Variants in VWC2L observed in about 807,000 individuals in gnomAD.
VWC2L encodes von Willebrand factor C domain containing 2 like, also known as von Willebrand factor C domain-containing protein 2-like.
Under a neutral mutation model 21.6 loss-of-function variants are expected in VWC2L, and 10 were observed. The observed-to-expected ratio is 0.46, with a 90% CI of 0.29 to 0.78. The LOEUF (loss-of-function observed/expected upper bound fraction) is 0.78, where lower values mean the gene tolerates loss of function less well. Ranked by LOEUF, VWC2L falls within the 30% of genes least tolerant of loss-of-function variation. The pLI, the probability that VWC2L is intolerant of heterozygous loss-of-function variation, is 0.10. For missense variants in VWC2L, 209 were observed against 277.1 expected, an observed-to-expected ratio of 0.75 and a Z score of 1.74; for synonymous variants, 96 against 94.3, an observed-to-expected ratio of 1.02 and a Z score of -0.10.
intron 3 of VWC2L, among the ~76,000 whole-genome samples, chr2:214,486,931 C>T (rs561753942): frequency 1.3e-4 from 20 of 152,322 alleles, no homozygotes; most frequent in African/African-American, 4.8e-4. Context: ...TTCTCATTCC[C>T]AGCATCTCAG....
rs1690254588 is a variant in VWC2L, at chr2:214,577,692, CAT to C, written c.*1875_*1876del. ...ATGCTATAGGCCCACCCTCAGGAAA[CAT>C]ATTTTTTTGAGTCTTGTCAACTGGT... On this transcript the variant is annotated 3_prime_UTR_variant, in exon 4 of 4. Transcript: ENST00000312504. 1 of 152,138 alleles carries C rather than the reference CAT, an allele frequency of 6.6e-6. No homozygotes were observed. The highest frequency in any genetic ancestry group is 2.4e-5 in the African/African-American group (1 of 41,432). The allele number at this position is 152,138 out of a possible 1,614,324, so 9.4% of individuals were successfully genotyped here. A position where few individuals can be genotyped will look rare whatever the true frequency, so the allele number is the denominator to read the frequency against.
chr2:214,569,149 T>C (rs112002228), intron 3 of VWC2L, among the ~76,000 whole-genome samples: 166 of 152,334 alleles, frequency 1.1e-3, no homozygotes, highest in Middle Eastern at 6.8e-3. Context: ...GAATGTGTTT[T>C]CATTACCATC....
intron 3 of VWC2L, among the ~76,000 whole-genome samples, chr2:214,448,456 A>G (rs1314361809): frequency 2.0e-5 from 3 of 152,188 alleles, no homozygotes; most frequent in African/African-American, 7.2e-5. Flanking sequence ...TCAGAAGATT[A>G]CTTTTATAAT....
chr2:214,537,902 T>TC (rs1689561468), intron 3 of VWC2L, among the ~76,000 whole-genome samples: 1 of 2,822 alleles, frequency 3.5e-4, no homozygotes, highest in African/African-American at 3.8e-4. Flanking sequence ...GATAGTGGCC[T>TC]TTTTTTTTTT....
At chr2:214,516,119 G>A (rs911690174) in intron 3 of VWC2L, among the ~76,000 whole-genome samples, 2 of 152,056 alleles carry the variant, frequency 1.3e-5, no homozygotes, top group African/African-American at 4.8e-5. Flanking sequence ...CACATTCAGT[G>A]ACTTCATACT....
chr2:214,487,880 G>A (rs747230524), intron 3 of VWC2L, among the ~76,000 whole-genome samples: 1 of 152,106 alleles, frequency 6.6e-6, no homozygotes. Flanking sequence ...GAGGAGTGAA[G>A]AAACACGGAA....
chr2:214,428,182 C>T (rs1231473981), intron 2 of VWC2L, among the ~76,000 whole-genome samples: 2 of 152,242 alleles, frequency 1.3e-5, no homozygotes, highest in African/African-American at 2.4e-5. Flanking sequence ...AATCCCACAT[C>T]GTTTACATGT....
At chr2:214,460,470 TTG>T (rs1052058110) in intron 3 of VWC2L, among the ~76,000 whole-genome samples, 2 of 152,094 alleles carry the variant, frequency 1.3e-5, no homozygotes, top group Non-Finnish European at 2.9e-5. Context: ...TCTTTGGATT[TTG>T]TGTGTGTTTG....
At chr2:214,419,515 G>T (rs1702402977) in intron 2 of VWC2L, among the ~76,000 whole-genome samples, 2 of 152,108 alleles carry the variant, frequency 1.3e-5, no homozygotes, top group Admixed American at 1.3e-4. Context: ...TACACTGAAG[G>T]TTATACTACA....
chr2:214,461,871 G>A (rs1703148046), intron 3 of VWC2L, among the ~76,000 whole-genome samples: 1 of 152,182 alleles, frequency 6.6e-6, no homozygotes, highest in South Asian at 2.1e-4. Flanking sequence ...TGTGCGTGTG[G>A]TTGCTATCAG....
intron 3 of VWC2L, among the ~76,000 whole-genome samples, chr2:214,570,611 C>T (rs1349410616): frequency 6.6e-6 from 1 of 152,114 alleles, no homozygotes; most frequent in Non-Finnish European, 1.5e-5. Flanking sequence ...AATCCACCCA[C>T]CTTGACCTCC....
At chr2:214,500,498 C>G (rs1280442439) in intron 3 of VWC2L, among the ~76,000 whole-genome samples, 1 of 152,194 alleles carries the variant, frequency 6.6e-6, no homozygotes, top group Non-Finnish European at 1.5e-5. Flanking sequence ...ACCATTTCAT[C>G]TGTATTCCAG....
chr2:214,568,610 T>A (rs1690103918), intron 3 of VWC2L, among the ~76,000 whole-genome samples: 1 of 152,126 alleles, frequency 6.6e-6, no homozygotes, highest in Non-Finnish European at 1.5e-5. Context: ...CTCCCTTTTT[T>A]AAAACCATGA....
At chr2:214,551,724 T>G (rs2105925391) in intron 3 of VWC2L, among the ~76,000 whole-genome samples, 1 of 152,316 alleles carries the variant, frequency 6.6e-6, no homozygotes, top group Middle Eastern at 3.4e-3. Context: ...CAAACCCGCA[T>G]CAATCTAAAT....
intron 3 of VWC2L, among the ~76,000 whole-genome samples, chr2:214,522,142 G>A (rs559219028): frequency 3.9e-5 from 6 of 152,220 alleles, no homozygotes; most frequent in African/African-American, 1.4e-4. Flanking sequence ...TTGGGAGGCC[G>A]AAGCGGGTGG....
intron 3 of VWC2L, among the ~76,000 whole-genome samples, chr2:214,500,636 G>A (rs1177408539): frequency 1.3e-5 from 2 of 152,242 alleles, no homozygotes; most frequent in Non-Finnish European, 2.9e-5. Flanking sequence ...CCCTTAGTCA[G>A]TTGGGCCTTA....
At chr2:214,433,159 GAT>G (rs5838434) in intron 2 of VWC2L, among the ~76,000 whole-genome samples, 1,803 of 132,906 alleles carry the variant, frequency 0.014, 55 homozygotes, top group African/African-American at 0.034. Flanking sequence ...CAAGCCACCT[GAT>G]ATATATATAT....
chr2:214,467,721 G>A (rs1001573668), intron 3 of VWC2L, among the ~76,000 whole-genome samples: 12 of 152,166 alleles, frequency 7.9e-5, no homozygotes, highest in Non-Finnish European at 1.8e-4. Flanking sequence ...TCAATTCATA[G>A]CTAACCAAAT....
At chr2:214,451,308 T>TTGG (rs71399133) in intron 3 of VWC2L, among the ~76,000 whole-genome samples, 2 of 112,022 alleles carry the variant, frequency 1.8e-5, no homozygotes, top group Non-Finnish European at 3.9e-5. Flanking sequence ...TGGGTCGGTG[T>TTGG]GGGGGGGGGG....
Sources: gnomAD v4.1 joint callset for allele counts (sites outside exome capture counted in the v4.1 genomes callset) on GRCh38, gnomAD v4.1.1 for gene constraint, MANE v1.5 for transcripts, NCBI Gene and HGNC (gene_info 2026-07-23, HGNC 2026-07-21) for gene names.